Variants in CPT1A observed in about 807,000 individuals in gnomAD.
CPT1A encodes the protein carnitine palmitoyltransferase 1A, also known as carnitine O-palmitoyltransferase 1, liver isoform.
In CPT1A, 64 loss-of-function variants were observed where a neutral mutation model predicts 100.8. That is an observed-to-expected ratio of 0.63 (90% CI 0.52 to 0.78). The LOEUF is 0.78. Ranked by LOEUF, CPT1A falls within the 30% of genes least tolerant of loss-of-function variation. The pLI, the probability that CPT1A is intolerant of heterozygous loss-of-function variation, is 0.00. For missense variants in CPT1A, 802 were observed against 1,034.1 expected (o/e 0.78, Z 3.08); for synonymous variants, 363 against 396.0 (o/e 0.92, Z 0.99).
chr11:68,822,498 A>G (rs922246714), intron 1 of CPT1A, among the ~76,000 whole-genome samples: 15 of 151,764 alleles, frequency 9.9e-5, no homozygotes, highest in Non-Finnish European at 2.1e-4. Context: ...GCACCACTGC[A>G]CTCCAGCCTG....
intron 9 of CPT1A, among the ~76,000 whole-genome samples, chr11:68,790,016 T>A (rs1855570329): frequency 6.6e-6 from 1 of 152,186 alleles, no homozygotes; most frequent in African/African-American, 2.4e-5. Flanking sequence ...GATATGTCCA[T>A]GTTCTAGCCC....
intron 9 of CPT1A, among the ~76,000 whole-genome samples, chr11:68,787,099 G>GA (rs1855484083): frequency 6.6e-6 from 1 of 152,156 alleles, no homozygotes; most frequent in Admixed American, 6.6e-5. Context: ...TTAGCATGTG[G>GA]AAAATCCAAG....
intron 13 of CPT1A, 146 bp from the exon 14 acceptor site, chr11:68,773,575 T>A (rs1482274209): frequency 1.4e-6 from 2 of 1,451,064 alleles, no homozygotes; most frequent in Non-Finnish European, 1.9e-6. Context: ...CCAGAAGCCC[T>A]AGTAAGTTAG....
chr11:68,814,603 C>T (rs1477952094), intron 2 of CPT1A, among the ~76,000 whole-genome samples: 4 of 151,722 alleles, frequency 2.6e-5, no homozygotes, highest in Admixed American at 2.0e-4. Flanking sequence ...CCACTGCACC[C>T]GGACCTTATG....
chr11:68,761,205 A>C (rs1001117495), intron 16 of CPT1A, among the ~76,000 whole-genome samples: 1 of 150,360 alleles, frequency 6.7e-6, no homozygotes, highest in Non-Finnish European at 1.5e-5. Flanking sequence ...TATTTCATAA[A>C]CTTACAATAA....
At chr11:68,841,961 C>T (rs1361163403), upstream of CPT1A, 5 of 985,082 alleles carry the variant, frequency 5.1e-6, no homozygotes, top group Non-Finnish European at 4.8e-6. The surrounding 1 kb of genome is among the most constrained non-coding windows in gnomAD (Gnocchi z 6.3). Context: ...GGGTGACTCC[C>T]GGCGCGCGGA....
intron 4 of CPT1A, among the ~76,000 whole-genome samples, chr11:68,806,037 T>TG (rs1156450047): frequency 1.3e-5 from 2 of 149,670 alleles, no homozygotes; most frequent in African/African-American, 2.5e-5. Context: ...TTTTTTTTTT[T>TG]GAGACAGGGT....
At chr11:68,832,150 A>T (rs1345276366) in intron 1 of CPT1A, among the ~76,000 whole-genome samples, 2 of 152,178 alleles carry the variant, frequency 1.3e-5, no homozygotes, top group African/African-American at 4.8e-5. Context: ...CAGGGCTGGA[A>T]ATCAAACCCA....
intron 9 of CPT1A, among the ~76,000 whole-genome samples, chr11:68,787,063 A>T (rs774531939): frequency 2.0e-5 from 3 of 152,218 alleles, no homozygotes; most frequent in Non-Finnish European, 4.4e-5. Flanking sequence ...AAAGGGAAAT[A>T]TCAAAGGTGT....
intron 12 of CPT1A, among the ~76,000 whole-genome samples, chr11:68,780,313 C>T (rs1427466475): frequency 3.3e-5 from 5 of 152,184 alleles, no homozygotes; most frequent in Non-Finnish European, 5.9e-5. Context: ...GACAGAGTCT[C>T]GCTCTGTCGC....
chr11:68,783,633 G>T (rs894586565), intron 10 of CPT1A, among the ~76,000 whole-genome samples: 1 of 152,212 alleles, frequency 6.6e-6, no homozygotes, highest in Non-Finnish European at 1.5e-5. Flanking sequence ...CTCTCAGCTG[G>T]GGACAACAGT....
chr11:68,780,389 T>A (rs1482115758), intron 12 of CPT1A, among the ~76,000 whole-genome samples: 1 of 152,184 alleles, frequency 6.6e-6, no homozygotes, highest in Non-Finnish European at 1.5e-5. Flanking sequence ...TTCAATCGAT[T>A]TCTTCTGCCT....
intron 5 of CPT1A, among the ~76,000 whole-genome samples, chr11:68,802,828 T>C (rs1855939902): frequency 1.3e-5 from 2 of 148,532 alleles, no homozygotes; most frequent in South Asian, 4.2e-4. Flanking sequence ...GCCCAGGAAG[T>C]TGAGGCTGTG....
intron 14 of CPT1A, 145 bp from the exon 15 acceptor site, chr11:68,762,906 G>A: frequency 1.1e-6 from 1 of 933,780 alleles, no homozygotes. Context: ...GCCCAGGCTG[G>A]CATGCAGTAG....
chr11:68,814,327 G>A (rs529470314), intron 2 of CPT1A, among the ~76,000 whole-genome samples: 1 of 152,172 alleles, frequency 6.6e-6, no homozygotes, highest in South Asian at 2.1e-4. Flanking sequence ...TTTTTTTTGA[G>A]ACAGAGTCTC....
intron 1 of CPT1A, among the ~76,000 whole-genome samples, chr11:68,837,569 G>C (rs1020604162): frequency 6.6e-6 from 1 of 152,138 alleles, no homozygotes; most frequent in African/African-American, 2.4e-5. Context: ...GTGCATTGAG[G>C]GGGGACCCAA....
rs114657181 is a variant in CPT1A, at chr11:68,774,998, C to T, written c.1575+318G>A. On this transcript the variant is annotated intron_variant, in intron 13 of 18. Coordinates refer to ENST00000265641, the MANE Select transcript of CPT1A (RefSeq NM_001876.4). ...CAATTTAGAGGCTTTCAGCTCTAAC[C>T]TATGTGATTTTGGCTTTTAGTTTTT... is the stretch of plus-strand genomic sequence containing the variant. 6.7e-3 allele frequency among the ~76,000 whole-genome samples: 1,022 copies of T among 152,092 alleles called. 13 individuals are homozygous for T. The highest frequency in any genetic ancestry group is 0.023 in the African/African-American group (958 of 41,484).
rs745970741 is a variant in CPT1A, at chr11:68,784,854, G to A, written c.1124C>T (p.Pro375Leu). 1 of 1,613,022 alleles carries A rather than the reference G, an allele frequency of 6.2e-7. No individual in the cohort carries two copies. The highest frequency in any genetic ancestry group is 8.5e-7 in the Non-Finnish European group (1 of 1,180,032). Residue 375 changes from proline to leucine, a missense_variant, in exon 10 of 19, where the codon CCC (proline) becomes CTC (leucine). Around this residue, in one of 4 missense-constraint regions of CPT1A, gnomAD observed 627 missense variants for 799.3 expected, o/e 0.78. Transcript: ENST00000265641. Reference sequence around the variant, plus strand: ...GAGGGCTGCCAGCCTGGCCTCCCCGGGCTGAGGCTCCGAGGTATTGTCCAG... The same window carrying A: ...GAGGGCTGCCAGCCTGGCCTCCCCGAGCTGAGGCTCCGAGGTATTGTCCAG... ...RILDNTSEPQPGEARLAALTA... is the reference protein window; with the variant it reads ...RILDNTSEPQLGEARLAALTA...
At chr11:68,774,069 C>A (rs1292566043) in intron 13 of CPT1A, among the ~76,000 whole-genome samples, 1 of 152,202 alleles carries the variant, frequency 6.6e-6, no homozygotes, top group African/African-American at 2.4e-5. Context: ...AGACCCTGGA[C>A]GCATGCCAAT....
Sources: allele counts gnomAD v4.1 joint callset (sites outside exome capture counted in the v4.1 genomes callset), GRCh38; gene constraint gnomAD v4.1.1; regional missense constraint gnomAD v4.1.1; non-coding constraint Gnocchi (gnomAD v3.1); transcripts MANE v1.5; gene names NCBI Gene and HGNC (gene_info 2026-07-23, HGNC 2026-07-21).